PRELID2: variants seen among roughly 807,000 people sequenced by gnomAD.
The protein encoded by PRELID2 is PRELI domain containing 2.
In PRELID2, 25 loss-of-function variants were observed where a neutral mutation model predicts 28.4. That is an observed-to-expected ratio of 0.88 (90% CI 0.64 to 1.23). The LOEUF is 1.23. Among genes scored for constraint, PRELID2 ranks in the 50% most tolerant of loss-of-function variants. PRELID2 has a pLI of 0.00. For synonymous variants in PRELID2, 76 were observed against 71.6 expected, an observed-to-expected ratio of 1.06 and a Z score of -0.31; for missense variants, 201 against 214.4, an observed-to-expected ratio of 0.94 and a Z score of 0.39.
chr5:145,672,696 T>C (rs1754733170), intron 1 of PRELID2, among the ~76,000 whole-genome samples: 1 of 152,134 alleles, frequency 6.6e-6, no homozygotes, highest in Admixed American at 6.5e-5. Flanking sequence ...CATTGGCTTC[T>C]ACCTCATCTC....
chr5:145,788,659 TAGAGC>T (rs1561609211), intron 5 of PRELID2, among the ~76,000 whole-genome samples: 1 of 152,098 alleles, frequency 6.6e-6, no homozygotes, highest in Non-Finnish European at 1.5e-5. Flanking sequence ...GGAGTTTTGC[TAGAGC>T]AATTAGGCAA....
intron 1 of PRELID2, among the ~76,000 whole-genome samples, chr5:145,739,725 T>A (rs1024848960): frequency 6.6e-6 from 1 of 151,746 alleles, no homozygotes; most frequent in Admixed American, 6.6e-5. Flanking sequence ...CAAAGGGAGG[T>A]AAGGTTTCTA....
intron 1 of PRELID2, among the ~76,000 whole-genome samples, chr5:145,623,575 C>G (rs921384128): frequency 2.6e-5 from 4 of 152,144 alleles, no homozygotes; most frequent in African/African-American, 9.6e-5. Context: ...AAAACTGATA[C>G]ATATATCTGT....
intron 4 of PRELID2, among the ~76,000 whole-genome samples, chr5:145,811,160 G>A (rs1021970670): frequency 2.9e-5 from 4 of 140,058 alleles, no homozygotes; most frequent in South Asian, 2.3e-4. Context: ...ATCAGATCTC[G>A]TGAAACTTAT....
At chr5:145,262,181 T>A in the PRELID2 span, among the ~76,000 whole-genome samples, 1 of 151,912 alleles carries the variant, frequency 6.6e-6, no homozygotes, top group Non-Finnish European at 1.5e-5. Context: ...GAACAAAGCC[T>A]CTAAGAAATT....
At chr5:145,442,009 C>A in the PRELID2 span, among the ~76,000 whole-genome samples, 10 of 152,086 alleles carry the variant, frequency 6.6e-5, no homozygotes, top group Non-Finnish European at 1.3e-4. Flanking sequence ...TTAAAATGGA[C>A]TCTGACTCAA....
the PRELID2 span, among the ~76,000 whole-genome samples, chr5:145,416,476 A>T: frequency 6.6e-6 from 1 of 152,098 alleles, no homozygotes; most frequent in African/African-American, 2.4e-5. Context: ...CAGAGTGAAC[A>T]GGCAACCTAC....
chr5:145,321,519 G>A, the PRELID2 span, among the ~76,000 whole-genome samples: 1 of 152,180 alleles, frequency 6.6e-6, no homozygotes, highest in East Asian at 1.9e-4. Context: ...AACAATAGCA[G>A]TTGAGAACAG....
intron 1 of PRELID2, among the ~76,000 whole-genome samples, chr5:145,644,243 G>A (rs1477922200): frequency 1.3e-5 from 2 of 152,148 alleles, no homozygotes; most frequent in Admixed American, 6.5e-5. Context: ...AGTCTTGGGA[G>A]GGTGTATGTG....
intron 4 of PRELID2, among the ~76,000 whole-genome samples, chr5:145,806,384 C>A (rs1183411401): frequency 6.6e-6 from 1 of 152,146 alleles, no homozygotes; most frequent in African/African-American, 2.4e-5. Flanking sequence ...GGGTCATGAT[C>A]ATCAATATCA....
the PRELID2 span, among the ~76,000 whole-genome samples, chr5:145,265,967 C>A: frequency 2.6e-5 from 4 of 151,856 alleles, no homozygotes; most frequent in East Asian, 1.9e-4. Flanking sequence ...AGACAATAGA[C>A]GGGACTTAAA....
the PRELID2 span, among the ~76,000 whole-genome samples, chr5:145,237,589 C>T: frequency 2.0e-5 from 3 of 152,006 alleles, no homozygotes; most frequent in African/African-American, 7.2e-5. Flanking sequence ...GGTCTAAAGC[C>T]GACTTCTCCC....
the PRELID2 span, among the ~76,000 whole-genome samples, chr5:145,347,958 T>G: frequency 6.6e-6 from 1 of 152,222 alleles, no homozygotes; most frequent in East Asian, 1.9e-4. Flanking sequence ...ATGGTTCCCA[T>G]GTTTTAGGTC....
At chr5:145,427,820 G>C in the PRELID2 span, among the ~76,000 whole-genome samples, 12 of 152,276 alleles carry the variant, frequency 7.9e-5, no homozygotes, top group East Asian at 1.9e-4. Flanking sequence ...GTTTAGATTA[G>C]ACGATATTAA....
At chr5:145,458,828 T>C in the PRELID2 span, among the ~76,000 whole-genome samples, 32 of 152,176 alleles carry the variant, frequency 2.1e-4, no homozygotes, top group Non-Finnish European at 1.5e-4. Flanking sequence ...TCTTTTATTA[T>C]CTGAAAAAAT....
At chr5:145,440,344 C>A in the PRELID2 span, among the ~76,000 whole-genome samples, 1 of 152,056 alleles carries the variant, frequency 6.6e-6, no homozygotes, top group Non-Finnish European at 1.5e-5. Context: ...CACTATCAAT[C>A]ATTTCTCTGA....
chr5:145,311,949 C>T, the PRELID2 span, among the ~76,000 whole-genome samples: 1 of 152,124 alleles, frequency 6.6e-6, no homozygotes, highest in Middle Eastern at 3.2e-3. Flanking sequence ...TGGTGTACAA[C>T]ATATTTTGAT....
At chr5:145,329,907 G>C in the PRELID2 span, among the ~76,000 whole-genome samples, 283 of 152,266 alleles carry the variant, frequency 1.9e-3, 8 homozygotes, top group East Asian at 0.045. Flanking sequence ...TATGATATTG[G>C]CTGTGGGTTT....
chr5:145,672,783 C>T (rs1376931850), intron 1 of PRELID2, among the ~76,000 whole-genome samples: 1 of 152,178 alleles, frequency 6.6e-6, no homozygotes, highest in Non-Finnish European at 1.5e-5. Flanking sequence ...GACCCATCAC[C>T]ATCAATTCCC....
Sources: allele counts gnomAD v4.1 joint callset (sites outside exome capture counted in the v4.1 genomes callset), GRCh38; gene constraint gnomAD v4.1.1; transcripts MANE v1.5; gene names NCBI Gene and HGNC (gene_info 2026-07-23, HGNC 2026-07-21).